Variants in BCR observed in about 807,000 individuals in gnomAD.
The protein encoded by BCR is breakpoint cluster region protein.
BCR carries 58 observed loss-of-function variants against 138.6 expected under a neutral mutation model. The observed-to-expected ratio is 0.42, with a 90% CI of 0.34 to 0.52. The LOEUF (loss-of-function observed/expected upper bound fraction) is 0.52. Among genes scored for constraint, BCR ranks in the 20% least tolerant of loss-of-function variants. BCR has a pLI of 0.06. For synonymous variants in BCR, 786 were observed against 730.1 expected (o/e 1.08, Z -1.23); for missense variants, 1,599 against 1,727.2 (o/e 0.93, Z 1.32).
At chr22:23,279,744 C>T (rs1199256771) in intron 8 of BCR, among the ~76,000 whole-genome samples, 1 of 152,234 alleles carries the variant, frequency 6.6e-6, no homozygotes. Flanking sequence ...AGTTCGTGTA[C>T]CTGGGGAAGT....
intron 1 of BCR, among the ~76,000 whole-genome samples, chr22:23,213,835 TAAAAA>T (rs376154209): frequency 7.3e-6 from 1 of 136,132 alleles, no homozygotes; most frequent in Non-Finnish European, 1.6e-5. Context: ...CCCTGTCTCT[TAAAAA>T]AAAAAAAAAA....
intron 4 of BCR, chr22:23,262,706 AGGGCGGG>A: frequency 1.0e-5 from 2 of 195,274 alleles, no homozygotes; most frequent in Non-Finnish European, 1.4e-5. Context: ...GGCCCGGGTG[AGGGCGGG>A]CCCGGGTGAG....
chr22:23,184,608 A>G (rs902223771), intron 1 of BCR, among the ~76,000 whole-genome samples: 1 of 152,156 alleles, frequency 6.6e-6, no homozygotes, highest in African/African-American at 2.4e-5. Flanking sequence ...TGTTTGTTAC[A>G]GTCCATGAAC....
intron 1 of BCR, among the ~76,000 whole-genome samples, chr22:23,230,760 T>C (rs1453889480): frequency 6.6e-6 from 1 of 152,246 alleles, no homozygotes; most frequent in African/African-American, 2.4e-5. Flanking sequence ...ATAAAGATCT[T>C]TGGAAATGTC....
intron 4 of BCR, chr22:23,264,260 C>T: frequency 3.2e-6 from 3 of 937,936 alleles, no homozygotes; most frequent in Non-Finnish European, 5.3e-6. Context: ...TGACGTCGAC[C>T]CGCCTCGGCA....
intron 3 of BCR, 81 bp downstream of exon 3, chr22:23,261,135 A>C: frequency 7.0e-7 from 1 of 1,428,974 alleles, no homozygotes; most frequent in Non-Finnish European, 9.7e-7. Flanking sequence ...CTTAAGTCCC[A>C]GGTCAGCTGT....
chr22:23,228,435 A>G (rs2072917768), intron 1 of BCR, among the ~76,000 whole-genome samples: 1 of 152,190 alleles, frequency 6.6e-6, no homozygotes, highest in Admixed American at 6.5e-5. Flanking sequence ...ATTTTTAGTC[A>G]AAAATAAATG....
intron 1 of BCR, among the ~76,000 whole-genome samples, chr22:23,236,265 TCTCATGGCTAC>T (rs2073021804): frequency 6.6e-6 from 1 of 152,162 alleles, no homozygotes; most frequent in African/African-American, 2.4e-5. Context: ...ACTCTGAGCA[TCTCATGGCTAC>T]CTCCTCCCCA....
At chr22:23,274,149 C>T (rs574528889) in intron 8 of BCR, among the ~76,000 whole-genome samples, 1 of 152,316 alleles carries the variant, frequency 6.6e-6, no homozygotes, top group South Asian at 2.1e-4. Flanking sequence ...TTTTGTCTGC[C>T]TGGAATCCTC....
intron 1 of BCR, among the ~76,000 whole-genome samples, chr22:23,210,227 G>A (rs763286072): frequency 5.9e-5 from 9 of 151,822 alleles, no homozygotes; most frequent in Non-Finnish European, 8.8e-5. Flanking sequence ...AGCAGCCTGG[G>A]CAACAAAGTG....
At chr22:23,284,709 G>A (rs13054277) in intron 9 of BCR, among the ~76,000 whole-genome samples, 35,259 of 152,134 alleles carry the variant, frequency 0.23, 4,456 homozygotes, top group Middle Eastern at 0.3. Flanking sequence ...GGCCCTGGGG[G>A]TGGATTTCAG....
intron 1 of BCR, among the ~76,000 whole-genome samples, chr22:23,253,039 C>T (rs935139996): frequency 1.3e-5 from 2 of 152,170 alleles, no homozygotes; most frequent in African/African-American, 2.4e-5. Flanking sequence ...ACAGCCCCCT[C>T]CTTGAGTTTG....
intron 12 of BCR, 47 bp downstream of exon 12, chr22:23,288,219 GCCAGGCTGGCAGCT>G: frequency 6.4e-7 from 1 of 1,558,956 alleles, no homozygotes; most frequent in Non-Finnish European, 8.9e-7. Flanking sequence ...AACCATTAGG[GCCAGGCTGGCAGCT>G]CCTGTGGTTT....
intron 1 of BCR, 41 bp from the exon 2 acceptor site, chr22:23,253,758 C>G: frequency 2.5e-6 from 4 of 1,575,952 alleles, no homozygotes; most frequent in Non-Finnish European, 3.5e-6. Flanking sequence ...TGGATGCTCC[C>G]TTCTCTGTCT....
intron 4 of BCR, chr22:23,263,373 C>A: frequency 1.6e-6 from 2 of 1,233,888 alleles, no homozygotes; most frequent in Non-Finnish European, 2.4e-6. Flanking sequence ...CGGCTTCACG[C>A]GGCTCGGCAC....
chr22:23,274,953 C>T (rs1039510872), intron 8 of BCR, among the ~76,000 whole-genome samples: 56 of 148,324 alleles, frequency 3.8e-4, no homozygotes, highest in African/African-American at 1.3e-3. Context: ...CCTTCTCTTT[C>T]TTCTGGTTCA....
chr22:23,295,059 G>A lies in BCR; in HGVS notation c.2916G>A (p.Leu972=). ...TAGAGCTGGAGGGCTCCCAGACCCTGAGGATACTGTGCTATGAAAAGTGTT... is the reference window on the plus strand; with the variant it reads ...TAGAGCTGGAGGGCTCCCAGACCCTAAGGATACTGTGCTATGAAAAGTGTT... The part of the protein sequence containing the change: ...FEIELEGSQT[L]RILCYEKCYN... The change falls in exon 16 of 23, where the codon CTG becomes CTA. Residue 972 remains leucine (L), a synonymous_variant. Transcript: ENST00000305877. 1 of 1,614,184 alleles carries A rather than the reference G, an allele frequency of 6.2e-7. No individual in the cohort carries two copies. The highest frequency in any genetic ancestry group is 8.5e-7 in the Non-Finnish European group (1 of 1,180,018).
intron 6 of BCR, 102 bp downstream of exon 6, chr22:23,271,694 T>C: frequency 1.8e-6 from 2 of 1,132,256 alleles, no homozygotes; most frequent in Non-Finnish European, 1.3e-6. Context: ...ACTTGGGTCA[T>C]CCCTTGGTGC....
At position 23,290,397 on chromosome 22, in the gene BCR, A is replaced by C. The variant is rs1265627847; in HGVS notation, c.2766A>C (p.Gly922=). The change falls in exon 14 of 23, where the codon GGA becomes GGC. Residue 922 remains glycine (G), a synonymous_variant. Transcript: ENST00000305877. ...FLNVIVHSAT[G]FKQSSNLYCT... The stretch of plus-strand genomic sequence containing the variant: ...ATGTCATCGTCCACTCAGCCACTGG[A>C]TTTAAGCAGAGTTCAAGTAAGTACT... 2.5e-6 allele frequency: 4 copies of C among 1,614,096 alleles called. No homozygotes were observed. Among genetic ancestry groups the C allele is most frequent in the Non-Finnish European group, 3.4e-6 (4 of 1,179,964 alleles).
Sources: allele counts gnomAD v4.1 joint callset (sites outside exome capture counted in the v4.1 genomes callset), GRCh38; gene constraint gnomAD v4.1.1; transcripts MANE v1.5; gene names NCBI Gene and HGNC (gene_info 2026-07-23, HGNC 2026-07-21).